The following RPAP2 variants were observed in gnomAD, a reference collection of about 807,000 sequenced individuals.
RPAP2 encodes the protein putative RNA polymerase II subunit B1 CTD phosphatase RPAP2.
A neutral mutation model predicts 73.1 loss-of-function variants in RPAP2; 52 were observed. That is an observed-to-expected ratio of 0.71 (90% CI 0.57 to 0.90). The LOEUF is 0.90. Among genes scored for constraint, RPAP2 ranks in the 40% least tolerant of loss-of-function variants. RPAP2 has a pLI of 0.00. For missense variants in RPAP2, 598 were observed against 701.8 expected, an observed-to-expected ratio of 0.85 and a Z score of 1.67; for synonymous variants, 225 against 242.1, an observed-to-expected ratio of 0.93 and a Z score of 0.65.
intron 11 of RPAP2, among the ~76,000 whole-genome samples, chr1:92,370,510 C>T (rs1571136589): frequency 6.6e-6 from 1 of 152,184 alleles, no homozygotes; most frequent in East Asian, 1.9e-4. Flanking sequence ...TAAAATCCTG[C>T]AAGAGACATT....
At chr1:92,311,206 C>CT (rs1423978439) in intron 6 of RPAP2, among the ~76,000 whole-genome samples, 1 of 152,174 alleles carries the variant, frequency 6.6e-6, no homozygotes, top group African/African-American at 2.4e-5. Flanking sequence ...CTTCTCAACA[C>CT]TAAGTCTCAG....
At chr1:92,321,608 C>T (rs1652268939) in intron 7 of RPAP2, among the ~76,000 whole-genome samples, 1 of 152,160 alleles carries the variant, frequency 6.6e-6, no homozygotes, top group South Asian at 2.1e-4. Context: ...GGCAAAGCTA[C>T]TGTTGCCTTC....
intron 5 of RPAP2, among the ~76,000 whole-genome samples, chr1:92,306,478 T>C (rs568963558): frequency 9.2e-5 from 14 of 152,340 alleles, no homozygotes; most frequent in South Asian, 8.3e-4. Context: ...CTATAAATGG[T>C]AAAGTGTAAT....
At chr1:92,307,407 G>A in intron 6 of RPAP2, 131 bp downstream of exon 6, 2 of 579,786 alleles carry the variant, frequency 3.4e-6, no homozygotes, top group Non-Finnish European at 2.9e-6. Flanking sequence ...ATGGGGAAAT[G>A]GTTATATTTT....
At position 92,345,921 on chromosome 1, in the gene RPAP2, ACT is replaced by A. The variant is rs1571100703; in HGVS notation, c.1688+13_1688+14del. The A allele has an allele frequency of 1.1e-5, 17 of 1,577,790 alleles. No individual in the cohort carries two copies. The highest frequency in any genetic ancestry group is 1.4e-5 in the African/African-American group (1 of 74,014). ...CTATGGTGTTGCTGTCATTGTAAGT[ACT>A]CTCTCAGATTTTAACTCTAAATACT... On this transcript the variant is annotated splice_region_variant and intron_variant, in intron 11 of 12. Transcript: ENST00000610020.
chr1:92,360,213 A>C (rs190773619), intron 11 of RPAP2, among the ~76,000 whole-genome samples: 2 of 152,224 alleles, frequency 1.3e-5, no homozygotes, highest in Non-Finnish European at 2.9e-5. Context: ...TGTAGTAACT[A>C]CCTTTCTAGA....
intron 11 of RPAP2, among the ~76,000 whole-genome samples, chr1:92,369,935 A>C (rs866021411): frequency 8.5e-5 from 13 of 152,204 alleles, no homozygotes; most frequent in African/African-American, 3.1e-4. Context: ...CCCAGGCTGG[A>C]GTGCAGTGGT....
chr1:92,338,894 G>A (rs1301441013), intron 10 of RPAP2, among the ~76,000 whole-genome samples: 1 of 152,022 alleles, frequency 6.6e-6, no homozygotes, highest in Admixed American at 6.6e-5. Flanking sequence ...ACAGGCAAGA[G>A]CCACAGCTCC....
intron 6 of RPAP2, among the ~76,000 whole-genome samples, chr1:92,313,368 A>G (rs1252192912): frequency 6.6e-6 from 1 of 152,146 alleles, no homozygotes; most frequent in Non-Finnish European, 1.5e-5. Flanking sequence ...AAACAACACT[A>G]ATCTTGTACA....
At chr1:92,319,492 G>A (rs565459556) in intron 6 of RPAP2, among the ~76,000 whole-genome samples, 169 of 152,218 alleles carry the variant, frequency 1.1e-3, no homozygotes, top group African/African-American at 3.9e-3. Flanking sequence ...TCTGGCAGGC[G>A]CGGTGGCTCA....
chr1:92,309,827 A>C (rs1309856103), intron 6 of RPAP2, among the ~76,000 whole-genome samples: 1 of 152,206 alleles, frequency 6.6e-6, no homozygotes, highest in Non-Finnish European at 1.5e-5. Flanking sequence ...GCCCACTTGA[A>C]ATTTGGGAAA....
rs900879101 is a variant in RPAP2 at position 92,390,824 on chromosome 1, C to T, written c.*3813C>T. The T allele has an allele frequency of 6.6e-6, 1 of 152,138 alleles. No homozygotes were observed. The highest frequency in any genetic ancestry group is 2.4e-5 in the African/African-American group (1 of 41,430). The allele number at this position is 152,138 out of a possible 1,614,324, so 9.4% of individuals were successfully genotyped here. ...GGTCATTACATAATGGTAAAGGGAT[C>T]AATTCAACAAGAACAGCTAACTATC... On this transcript the variant is annotated 3_prime_UTR_variant, in exon 13 of 13. Coordinates refer to ENST00000610020, the MANE Select transcript of RPAP2 (RefSeq NM_024813.3).
At chr1:92,313,087 G>A (rs950785006) in intron 6 of RPAP2, among the ~76,000 whole-genome samples, 3 of 152,108 alleles carry the variant, frequency 2.0e-5, no homozygotes, top group Non-Finnish European at 4.4e-5. Flanking sequence ...GGCTGGTCTC[G>A]AACTCCTGGC....
At chr1:92,320,413 C>T (rs1437713326) in intron 6 of RPAP2, among the ~76,000 whole-genome samples, 186 bp from the exon 7 acceptor site, 2 of 152,100 alleles carry the variant, frequency 1.3e-5, no homozygotes, top group African/African-American at 2.4e-5. Flanking sequence ...GCTGGGACTA[C>T]AGGCGCGCAC....
In RPAP2 at chr1:92,302,590, A is replaced by ATTTTTTTTTTTTTT. The variant is rs36067595; in HGVS notation, c.234+1016_234+1029dup. On this transcript the variant is annotated intron_variant, in intron 3 of 12. Coordinates refer to ENST00000610020, the MANE Select transcript of RPAP2 (RefSeq NM_024813.3). ...ACGGGAGAATTAAATTCCGCATTAAATTTTTTTTTTTTTTTTTTTTTTTTT... is the reference window on the plus strand; with the variant it reads ...ACGGGAGAATTAAATTCCGCATTAAATTTTTTTTTTTTTTTTTTTTTTTTTTTTTTTTTTTTTTT... 1.5e-4 allele frequency among the ~76,000 whole-genome samples: 11 copies of ATTTTTTTTTTTTTT among 74,316 alleles called. 1 individual carries two copies. The highest frequency in any genetic ancestry group is 2.1e-4 in the Non-Finnish European group (9 of 43,256). The allele number at this position is 74,316 out of a possible 152,430, so 48.8% of individuals were successfully genotyped here. A position where few individuals can be genotyped will look rare whatever the true frequency, so the allele number is the denominator to read the frequency against.
In RPAP2 at chr1:92,394,937, G is replaced by A. The variant is rs1056581385; in HGVS notation, c.*7926G>A. ...CTTACTACAAAGCTACATTAATCAA[G>A]ACAGTGTGGTACTGATATAAAGATA... On this transcript the variant is annotated 3_prime_UTR_variant, in exon 13 of 13. Transcript: ENST00000610020. 1 of 152,106 alleles carries A rather than the reference G, an allele frequency of 6.6e-6. No individual in the cohort carries two copies. Among genetic ancestry groups the A allele is most frequent in the African/African-American group, 2.4e-5 (1 of 41,418 alleles). 9.4% of individuals were successfully genotyped at this position (152,106 alleles called of 1,614,324 possible).
At chr1:92,378,827 T>C (rs538498437) in intron 11 of RPAP2, among the ~76,000 whole-genome samples, 10 of 152,346 alleles carry the variant, frequency 6.6e-5, no homozygotes, top group Non-Finnish European at 1.3e-4. Flanking sequence ...TATTTCTCAG[T>C]ATGAACTACC....
chr1:92,308,503 C>T (rs891974873), intron 6 of RPAP2, among the ~76,000 whole-genome samples: 4 of 152,186 alleles, frequency 2.6e-5, no homozygotes, highest in African/African-American at 9.7e-5. Flanking sequence ...TCAAGTTATC[C>T]TTAACTTTGC....
rs1283034040 is a variant in RPAP2 at position 92,396,480 on chromosome 1, A to G, written c.*9469A>G. 1.3e-5 allele frequency: 2 copies of G among 152,130 alleles called. No homozygotes were observed. Among genetic ancestry groups the G allele is most frequent in the African/African-American group, 2.4e-5 (1 of 41,428 alleles). The allele number at this position is 152,130 out of a possible 1,614,324, so 9.4% of individuals were successfully genotyped here. A position where few individuals can be genotyped will look rare whatever the true frequency, so the allele number is the denominator to read the frequency against. On this transcript the variant is annotated 3_prime_UTR_variant, in exon 13 of 13. Transcript: ENST00000610020. ...TCTGATGCAATATCCCACATATGGT[A>G]TGTTTCCATTTACAGTCCAGAAAAG...
Sources: allele counts gnomAD v4.1 joint callset (sites outside exome capture counted in the v4.1 genomes callset), GRCh38; gene constraint gnomAD v4.1.1; transcripts MANE v1.5; gene names NCBI Gene and HGNC (gene_info 2026-07-23, HGNC 2026-07-21).